Variants in GRM5 observed in about 807,000 individuals in gnomAD.
The protein encoded by GRM5 is glutamate metabotropic receptor 5.
In GRM5, 19 loss-of-function variants were observed where a neutral mutation model predicts 83.1. The observed-to-expected ratio is 0.23, with a 90% CI of 0.16 to 0.34. The LOEUF is 0.34. Ranked by LOEUF, GRM5 falls within the 10% of genes least tolerant of loss-of-function variation. The pLI, the probability that GRM5 is intolerant of heterozygous loss-of-function variation, is 1.00. For synonymous variants in GRM5, 675 were observed against 633.6 expected (o/e 1.07, Z -0.98); for missense variants, 1,160 against 1,588.3 (o/e 0.73, Z 4.58).
At chr11:88,659,430 T>C (rs766667309) in intron 3 of GRM5, among the ~76,000 whole-genome samples, 3 of 152,212 alleles carry the variant, frequency 2.0e-5, no homozygotes, top group Non-Finnish European at 4.4e-5. Context: ...TCCAGTATGA[T>C]ATTAACCTAC....
Position 88,737,370 on chromosome 11 carries a change from G to T in GRM5, c.912-83967C>A, listed in dbSNP as rs547217104. Among the ~76,000 whole-genome samples, 6 of 152,156 alleles carry T rather than the reference G, an allele frequency of 3.9e-5. 1 individual carries two copies. In the South Asian group the frequency reaches 1.0e-3, roughly 26 times the overall value. On this transcript the variant is annotated intron_variant, in intron 3 of 9. Transcript: ENST00000305447. ...GAGTGTTTTTTCTCTGGGAGGCTTG[G>T]TGCTTTAATCCAGTAGGTATTCAAT... is the stretch of plus-strand genomic sequence containing the variant.
chr11:88,624,289 AT>A (rs1234286685), intron 4 of GRM5, among the ~76,000 whole-genome samples: 1 of 152,218 alleles, frequency 6.6e-6, no homozygotes, highest in Non-Finnish European at 1.5e-5. Context: ...ACAAGGGAGA[AT>A]ACCTTCCCAT....
chr11:89,013,850 T>A (rs1043943193), intron 2 of GRM5, among the ~76,000 whole-genome samples: 2 of 152,188 alleles, frequency 1.3e-5, no homozygotes, highest in African/African-American at 4.8e-5. Context: ...ATTAAAATTA[T>A]TTGAGCATGC....
intron 2 of GRM5, among the ~76,000 whole-genome samples, chr11:88,983,687 T>C (rs1028183806): frequency 6.6e-6 from 1 of 152,174 alleles, no homozygotes; most frequent in Non-Finnish European, 1.5e-5. Context: ...TTATACTTTT[T>C]ATCATTATTT....
chr11:88,926,647 T>A (rs1231430496), intron 2 of GRM5, among the ~76,000 whole-genome samples: 1 of 152,236 alleles, frequency 6.6e-6, no homozygotes, highest in Non-Finnish European at 1.5e-5. Flanking sequence ...ATTAATTTTA[T>A]TTCAAAATGA....
intron 3 of GRM5, among the ~76,000 whole-genome samples, chr11:88,758,118 C>T (rs1401399875): frequency 6.6e-6 from 1 of 152,146 alleles, no homozygotes; most frequent in African/African-American, 2.4e-5. Context: ...TGAAGGAACA[C>T]CAGCCTACAA....
chr11:88,924,059 G>A (rs1251319416), intron 2 of GRM5, among the ~76,000 whole-genome samples: 1 of 150,824 alleles, frequency 6.6e-6, no homozygotes, highest in African/African-American at 2.4e-5. Context: ...GATGTTTAAT[G>A]TCACTAATCA....
intron 2 of GRM5, among the ~76,000 whole-genome samples, chr11:88,967,366 A>G (rs1289331682): frequency 6.6e-6 from 1 of 151,474 alleles, no homozygotes; most frequent in Non-Finnish European, 1.5e-5. Context: ...ATCTCAGTCC[A>G]TTGTATGTTG....
intron 2 of GRM5, among the ~76,000 whole-genome samples, chr11:88,998,083 G>T (rs1386190018): frequency 6.6e-6 from 1 of 150,872 alleles, no homozygotes; most frequent in Non-Finnish European, 1.5e-5. Context: ...AAATAGTAAA[G>T]AGAGAGAGAG....
intron 2 of GRM5, among the ~76,000 whole-genome samples, chr11:88,994,485 A>ATATATC (rs1491507869): frequency 8.1e-6 from 1 of 123,494 alleles, no homozygotes; most frequent in East Asian, 2.2e-4. Flanking sequence ...ATATATATAT[A>ATATATC]TTACAATTGC....
At chr11:88,825,958 TA>T (rs1162060026) in intron 3 of GRM5, among the ~76,000 whole-genome samples, 8 of 152,204 alleles carry the variant, frequency 5.3e-5, no homozygotes, top group Admixed American at 2.0e-4. Flanking sequence ...AAATGCATTA[TA>T]TTTTTTTGGA....
chr11:88,543,648 T>TTC (rs1555065940), intron 8 of GRM5, among the ~76,000 whole-genome samples: 2 of 150,010 alleles, frequency 1.3e-5, no homozygotes, highest in African/African-American at 4.9e-5. Context: ...TTTTTTTTTT[T>TTC]TGAGGCCTTT....
At chr11:89,038,130 A>T (rs1430646736) in intron 2 of GRM5, among the ~76,000 whole-genome samples, 2 of 146,520 alleles carry the variant, frequency 1.4e-5, no homozygotes, top group East Asian at 4.0e-4. Flanking sequence ...CGACTAGATA[A>T]TCTCTTTCTT....
chr11:88,906,883 G>T (rs1267853921), intron 2 of GRM5, among the ~76,000 whole-genome samples: 1 of 152,096 alleles, frequency 6.6e-6, no homozygotes. Flanking sequence ...GCTAATTAAG[G>T]AGTTAATCAA....
At chr11:88,768,724 T>G (rs1477829209) in intron 3 of GRM5, among the ~76,000 whole-genome samples, 1 of 150,934 alleles carries the variant, frequency 6.6e-6, no homozygotes, top group Non-Finnish European at 1.5e-5. Flanking sequence ...GGGAGAGAGA[T>G]GGGATGACAG....
chr11:88,727,953 C>G (rs1220614016), intron 3 of GRM5, among the ~76,000 whole-genome samples: 8 of 152,046 alleles, frequency 5.3e-5, no homozygotes, highest in Non-Finnish European at 7.4e-5. Flanking sequence ...ACATTAACAT[C>G]ACAATTAAAA....
At chr11:88,777,206 C>T (rs910671115) in intron 3 of GRM5, among the ~76,000 whole-genome samples, 2 of 152,128 alleles carry the variant, frequency 1.3e-5, no homozygotes, top group Admixed American at 6.5e-5. Flanking sequence ...TCATTGATAC[C>T]GTTTCTTCCA....
chr11:88,592,171 C>T (rs1393059283), intron 6 of GRM5, among the ~76,000 whole-genome samples: 1 of 152,182 alleles, frequency 6.6e-6, no homozygotes, highest in Non-Finnish European at 1.5e-5. Context: ...TTATTTATAG[C>T]CACTAAGTAG....
chr11:88,964,792 AT>A (rs1938894223), intron 2 of GRM5, among the ~76,000 whole-genome samples: 2 of 151,822 alleles, frequency 1.3e-5, no homozygotes, highest in South Asian at 4.1e-4. Context: ...AATTATATCC[AT>A]TCTCAGCAAT....
Sources: allele counts gnomAD v4.1 joint callset (sites outside exome capture counted in the v4.1 genomes callset), GRCh38; gene constraint gnomAD v4.1.1; transcripts MANE v1.5; gene names NCBI Gene and HGNC (gene_info 2026-07-23, HGNC 2026-07-21).